The following DOCK10 variants were observed in gnomAD, a reference collection of about 807,000 sequenced individuals.
DOCK10 encodes dedicator of cytokinesis 10, also known as dedicator of cytokinesis protein 10.
Under a neutral mutation model 280.1 loss-of-function variants are expected in DOCK10, and 145 were observed. That is an observed-to-expected ratio of 0.52 (90% confidence interval 0.45 to 0.59). The LOEUF is 0.59. Among genes scored for constraint, DOCK10 ranks in the 20% least tolerant of loss-of-function variants. DOCK10 has a pLI of 0.00. For synonymous variants in DOCK10, 915 were observed against 942.2 expected, an observed-to-expected ratio of 0.97 and a Z score of 0.53; for missense variants, 2,368 against 2,651.7, an observed-to-expected ratio of 0.89 and a Z score of 2.35.
intron 7 of DOCK10, among the ~76,000 whole-genome samples, chr2:224,878,649 A>T (rs187558812): frequency 6.6e-6 from 1 of 152,394 alleles, no homozygotes; most frequent in Admixed American, 6.5e-5. Context: ...CAGGAACCAA[A>T]GGAGAAAGAA....
intron 1 of DOCK10, among the ~76,000 whole-genome samples, chr2:224,990,169 C>A (rs1706087164): frequency 6.6e-6 from 1 of 152,208 alleles, no homozygotes; most frequent in Non-Finnish European, 1.5e-5. Flanking sequence ...AATTATCTTT[C>A]ATTGCTCTCT....
intron 48 of DOCK10, 77 bp downstream of exon 48, chr2:224,788,987 C>T (rs541139178): frequency 9.2e-5 from 75 of 814,242 alleles, no homozygotes; most frequent in Middle Eastern, 6.8e-4. Flanking sequence ...AGCTTGTTTC[C>T]CCCTTATTTA....
At chr2:224,909,214 T>C (rs1261976664) in intron 3 of DOCK10, among the ~76,000 whole-genome samples, 1 of 152,240 alleles carries the variant, frequency 6.6e-6, no homozygotes, top group Non-Finnish European at 1.5e-5. Context: ...ATCCTATTTC[T>C]AGATCACTTT....
At position 224,823,488 on chromosome 2, in the gene DOCK10, CAT is replaced by C. The variant is rs755996773; in HGVS notation, c.3183+11_3183+12del. ...GGGGCCTTGAATAGAACTGCGATCT[CAT>C]ATAACTGTACCTTGAGAAATCTGGC... On this transcript the variant is annotated intron_variant, in intron 28 of 55. Transcript: ENST00000258390. 3 of 1,583,288 alleles carry C rather than the reference CAT, an allele frequency of 1.9e-6. No homozygotes were observed. The highest frequency in any genetic ancestry group is 1.7e-6 in the Non-Finnish European group (2 of 1,169,886).
At chr2:224,966,482 G>T (rs911004781) in intron 1 of DOCK10, among the ~76,000 whole-genome samples, 1 of 152,052 alleles carries the variant, frequency 6.6e-6, no homozygotes, top group Non-Finnish European at 1.5e-5. Flanking sequence ...TTTTATGCAT[G>T]CGTAAATCCC....
chr2:225,030,650 A>G (rs929680466), intron 1 of DOCK10, among the ~76,000 whole-genome samples: 1 of 152,132 alleles, frequency 6.6e-6, no homozygotes, highest in African/African-American at 2.4e-5. Flanking sequence ...CTTATTTAAG[A>G]ATATAAATGC....
chr2:224,776,042 G>A (rs1021652071), intron 51 of DOCK10, among the ~76,000 whole-genome samples: 4 of 150,812 alleles, frequency 2.7e-5, no homozygotes, highest in Non-Finnish European at 4.4e-5. Context: ...AACTGCTTTG[G>A]TGAGTGAGTT....
intron 1 of DOCK10, among the ~76,000 whole-genome samples, chr2:225,040,634 C>G (rs1015175362): frequency 3.9e-5 from 6 of 151,970 alleles, no homozygotes; most frequent in Non-Finnish European, 7.4e-5. Context: ...AAAAAACACA[C>G]AACAGTTTAA....
At chr2:224,768,201 C>T (rs1479912239) in intron 55 of DOCK10, among the ~76,000 whole-genome samples, 3 of 152,110 alleles carry the variant, frequency 2.0e-5, no homozygotes, top group East Asian at 3.8e-4. Flanking sequence ...ACAGCATGAG[C>T]CACCGTGCCT....
At chr2:224,886,402 A>G in intron 5 of DOCK10, 57 bp downstream of exon 5, 2 of 1,544,248 alleles carry the variant, frequency 1.3e-6, no homozygotes, top group Non-Finnish European at 1.8e-6. Flanking sequence ...TTTCAGTGCA[A>G]GACAGAAACT....
intron 1 of DOCK10, among the ~76,000 whole-genome samples, chr2:224,944,080 G>C (rs752823988): frequency 3.3e-4 from 50 of 152,196 alleles, no homozygotes; most frequent in Admixed American, 9.8e-4. Flanking sequence ...ATTTTAGAAA[G>C]CTTAGATGAA....
intron 27 of DOCK10, among the ~76,000 whole-genome samples, chr2:224,828,894 G>A (rs1286934976): frequency 1.3e-5 from 2 of 152,178 alleles, no homozygotes; most frequent in Non-Finnish European, 2.9e-5. Context: ...ATGGGCAACT[G>A]GAAGATGGGG....
At chr2:224,887,631 T>C (rs1699388203) in intron 4 of DOCK10, among the ~76,000 whole-genome samples, 1 of 152,212 alleles carries the variant, frequency 6.6e-6, no homozygotes, top group African/African-American at 2.4e-5. Context: ...CTCCCATGTA[T>C]AAAAATTTCA....
chr2:224,829,489 T>C (rs1478887260), intron 27 of DOCK10, among the ~76,000 whole-genome samples: 1 of 152,094 alleles, frequency 6.6e-6, no homozygotes, highest in East Asian at 1.9e-4. Context: ...TCATGCAGCA[T>C]TGTTATGATT....
chr2:224,886,591 T>C (rs1699298803), intron 4 of DOCK10, 60 bp from the exon 5 acceptor site: 2 of 1,394,684 alleles, frequency 1.4e-6, no homozygotes, highest in Non-Finnish European at 2.0e-6. Flanking sequence ...TCATTTTAAG[T>C]TGCTCCCCAG....
At chr2:224,909,216 G>C (rs962336951) in intron 3 of DOCK10, among the ~76,000 whole-genome samples, 1 of 152,176 alleles carries the variant, frequency 6.6e-6, no homozygotes, top group African/African-American at 2.4e-5. Context: ...CCTATTTCTA[G>C]ATCACTTTAA....
chr2:225,014,590 T>C (rs946099916), intron 1 of DOCK10, among the ~76,000 whole-genome samples: 4 of 152,116 alleles, frequency 2.6e-5, no homozygotes, highest in South Asian at 2.1e-4. Flanking sequence ...GTCTTTTTTT[T>C]CCCCATATGT....
intron 1 of DOCK10, among the ~76,000 whole-genome samples, chr2:225,028,742 C>T (rs551490933): frequency 1.3e-5 from 2 of 152,256 alleles, no homozygotes; most frequent in East Asian, 3.9e-4. Flanking sequence ...AGCTCAGGCC[C>T]AGGGGCACAA....
chr2:224,939,853 A>T (rs560727980), intron 1 of DOCK10, among the ~76,000 whole-genome samples: 1 of 152,374 alleles, frequency 6.6e-6, no homozygotes, highest in South Asian at 2.1e-4. Flanking sequence ...CCATAATGAC[A>T]GACCATTCTT....
Sources: gnomAD v4.1 joint callset for allele counts (sites outside exome capture counted in the v4.1 genomes callset) on GRCh38, gnomAD v4.1.1 for gene constraint, MANE v1.5 for transcripts, NCBI Gene and HGNC (gene_info 2026-07-23, HGNC 2026-07-21) for gene names.